The following PPP2R2C variants were observed in gnomAD, a reference collection of about 807,000 sequenced individuals.
PPP2R2C encodes the protein protein phosphatase 2 regulatory subunit Bgamma.
In PPP2R2C, 10 loss-of-function variants were observed where a neutral mutation model predicts 45.3. The ratio of observed to expected loss-of-function variants is 0.22; its 90% CI spans 0.14 to 0.37. PPP2R2C has a LOEUF of 0.37. Among genes scored for constraint, PPP2R2C ranks in the 10% least tolerant of loss-of-function variants. PPP2R2C has a pLI of 1.00. For synonymous variants in PPP2R2C, 257 were observed against 245.4 expected (o/e 1.05, Z -0.44); for missense variants, 308 against 619.7 (o/e 0.50, Z 5.34).
At position 6,329,270 on chromosome 4, in the gene PPP2R2C, C is replaced by T. The variant is rs767472157; in HGVS notation, c.1044G>A (p.Gly348=). 8 of 1,613,930 alleles carry T rather than the reference C, an allele frequency of 5.0e-6. No individual in the cohort carries two copies. Among genetic ancestry groups the T allele is most frequent in the East Asian group, 2.2e-5 (1 of 44,878 alleles). ...CTGAGGTCAGGGCTTACCTGTCGCT[C>T]CCGTTCCAGGCACATTCAAACTTGT... is the stretch of plus-strand genomic sequence containing the variant. ...IFDKFECAWN[G]SDSVIMTGAY... Residue 348 remains glycine (G), a synonymous_variant, in exon 8 of 9, where the codon GGG becomes GGA. Coordinates refer to ENST00000382599, the MANE Select transcript of PPP2R2C (RefSeq NM_020416.4). This position sits in a 1 kb window ranked among gnomAD's most constrained non-coding sequence, Gnocchi z 5.8.
intron 1 of PPP2R2C, among the ~76,000 whole-genome samples, chr4:6,466,664 C>T (rs1321589540): frequency 1.3e-5 from 2 of 152,204 alleles, no homozygotes; most frequent in African/African-American, 4.8e-5. Context: ...GCGCTTCATA[C>T]AGCGGCTCTT....
upstream of PPP2R2C, among the ~76,000 whole-genome samples, chr4:6,474,650 G>A (rs1265105832): frequency 1.3e-5 from 2 of 152,100 alleles, no homozygotes; most frequent in Non-Finnish European, 2.9e-5. Context: ...CCATGCTGGG[G>A]ACCCTGCAGT....
At chr4:6,470,508 G>A (rs1257799151) in intron 1 of PPP2R2C, among the ~76,000 whole-genome samples, 1 of 152,188 alleles carries the variant, frequency 6.6e-6, no homozygotes, top group Non-Finnish European at 1.5e-5. Flanking sequence ...CATCCCCAAC[G>A]TAGAGATGAG....
At chr4:6,501,222 A>C (rs1409441671) in intron 2 of PPP2R2C, among the ~76,000 whole-genome samples, 2 of 152,176 alleles carry the variant, frequency 1.3e-5, no homozygotes. Context: ...CTGCCATAAA[A>C]TGTAATTGGC....
At chr4:6,477,565 A>G (rs905511807), upstream of PPP2R2C, among the ~76,000 whole-genome samples, 2 of 151,792 alleles carry the variant, frequency 1.3e-5, no homozygotes, top group Middle Eastern at 3.2e-3. Context: ...TCTCTACTAA[A>G]AATACAAAAA....
intron 2 of PPP2R2C, among the ~76,000 whole-genome samples, chr4:6,519,906 GGTAACCA>G (rs1331390290): frequency 1.8e-5 from 2 of 109,764 alleles, no homozygotes; most frequent in African/African-American, 7.2e-5. Context: ...CTTGCAGTCA[GGTAACCA>G]GAAGTCCTGG....
intron 2 of PPP2R2C, among the ~76,000 whole-genome samples, chr4:6,487,048 C>A (rs962202369): frequency 4.6e-5 from 7 of 152,028 alleles, no homozygotes; most frequent in Non-Finnish European, 1.0e-4. Flanking sequence ...CAGTATACAT[C>A]TTTAACTTAT....
At chr4:6,429,625 C>T (rs1434102719) in intron 1 of PPP2R2C, among the ~76,000 whole-genome samples, 2 of 152,152 alleles carry the variant, frequency 1.3e-5, no homozygotes, top group Non-Finnish European at 2.9e-5. Context: ...TACCGTGCTG[C>T]TCCCTGACAC....
At chr4:6,556,679 T>A (rs1294393778) in intron 1 of PPP2R2C, among the ~76,000 whole-genome samples, 1 of 152,154 alleles carries the variant, frequency 6.6e-6, no homozygotes, top group African/African-American at 2.4e-5. Flanking sequence ...TCCAGAGCCC[T>A]GCCCAGCTTG....
chr4:6,346,287 A>T (rs1488382213), intron 6 of PPP2R2C, among the ~76,000 whole-genome samples: 1 of 151,892 alleles, frequency 6.6e-6, no homozygotes, highest in Non-Finnish European at 1.5e-5. Flanking sequence ...CCAGAACAAA[A>T]CCCAGTCCCT....
intron 2 of PPP2R2C, among the ~76,000 whole-genome samples, chr4:6,529,926 G>A (rs1724340509): frequency 6.6e-6 from 1 of 152,190 alleles, no homozygotes; most frequent in African/African-American, 2.4e-5. Flanking sequence ...TGGGAGGAGA[G>A]GCTAGAGCGC....
intron 1 of PPP2R2C, 167 bp from the exon 2 acceptor site, chr4:6,381,261 C>T: frequency 6.5e-7 from 1 of 1,533,258 alleles, no homozygotes; most frequent in Admixed American, 2.0e-5. Flanking sequence ...CGAGGGGCCA[C>T]CAACCTGTCC....
intron 5 of PPP2R2C, among the ~76,000 whole-genome samples, chr4:6,352,916 CAA>C (rs1226549565): frequency 1.3e-5 from 2 of 152,090 alleles, no homozygotes; most frequent in African/African-American, 4.8e-5. Context: ...AATGCAATGA[CAA>C]GTGACATTCT....
upstream of PPP2R2C, among the ~76,000 whole-genome samples, chr4:6,474,541 G>T (rs1481597578): frequency 1.3e-5 from 2 of 152,094 alleles, no homozygotes; most frequent in Non-Finnish European, 2.9e-5. Flanking sequence ...CCCACCCTAT[G>T]CTGGCATCAG....
chr4:6,327,780 C>T (rs994712445), intron 8 of PPP2R2C, among the ~76,000 whole-genome samples: 1 of 152,122 alleles, frequency 6.6e-6, no homozygotes, highest in Admixed American at 6.5e-5. Flanking sequence ...CCTTTAGTGG[C>T]CCCCTGTGAT....
upstream of PPP2R2C, among the ~76,000 whole-genome samples, chr4:6,563,761 G>T (rs866416334): frequency 1.4e-5 from 2 of 144,610 alleles, no homozygotes; most frequent in African/African-American, 5.0e-5. This position sits in a 1 kb window ranked among gnomAD's most constrained non-coding sequence, Gnocchi z 5.8. Flanking sequence ...GGGCGGCTCC[G>T]CAGGCTGCGA....
rs2109138662 is a variant in PPP2R2C at position 6,320,809 on chromosome 4, A to C, written c.*2493T>G. Reference sequence around the variant, plus strand: ...TCGTCCTCAGAGAAGAGCTAAATTAAAAACAAAACCAAAAAAACCCCAACA... The same window carrying C: ...TCGTCCTCAGAGAAGAGCTAAATTACAAACAAAACCAAAAAAACCCCAACA... On this transcript the variant is annotated 3_prime_UTR_variant, in exon 9 of 9. Transcript: ENST00000382599. 2 of 152,184 alleles carry C rather than the reference A, an allele frequency of 1.3e-5. 1 individual carries two copies. The highest frequency in any genetic ancestry group is 4.8e-5 in the African/African-American group (2 of 41,496). The allele number at this position is 152,184 out of a possible 1,614,324, so 9.4% of individuals were successfully genotyped here.
intron 1 of PPP2R2C, chr4:6,381,746 G>A: frequency 6.2e-7 from 1 of 1,600,394 alleles, no homozygotes; most frequent in Non-Finnish European, 8.5e-7. Context: ...AGGTCACTCA[G>A]GAACCTCTCC....
chr4:6,339,837 C>T (rs1008960926), intron 6 of PPP2R2C, among the ~76,000 whole-genome samples: 13 of 152,174 alleles, frequency 8.5e-5, no homozygotes, highest in African/African-American at 2.7e-4. Context: ...AGGCCATCCA[C>T]GAGGGTGGAG....
Sources: gnomAD v4.1 joint callset for allele counts (sites outside exome capture counted in the v4.1 genomes callset) on GRCh38, gnomAD v4.1.1 for gene constraint, Gnocchi (gnomAD v3.1) non-coding constraint, MANE v1.5 for transcripts, NCBI Gene and HGNC (gene_info 2026-07-23, HGNC 2026-07-21) for gene names.